Variants in WNT7B observed in about 807,000 individuals in gnomAD.
The protein encoded by WNT7B is Wnt family member 7B.
Under a neutral mutation model 38.2 loss-of-function variants are expected in WNT7B, and 19 were observed. The observed-to-expected ratio is 0.50, with a 90% CI of 0.35 to 0.73. The LOEUF (loss-of-function observed/expected upper bound fraction) is 0.73. Among genes scored for constraint, WNT7B ranks in the 30% least tolerant of loss-of-function variants. The pLI is 0.01. For missense variants in WNT7B, 423 were observed against 507.9 expected (o/e 0.83, Z 1.61); for synonymous variants, 243 against 209.3 (o/e 1.16, Z -1.39).
chr22:45,941,529 A>G (rs1002284262), intron 2 of WNT7B, among the ~76,000 whole-genome samples: 47 of 147,384 alleles, frequency 3.2e-4, no homozygotes, highest in African/African-American at 1.1e-3. Flanking sequence ...AAAAAAAAAA[A>G]GAGTGCAGAC....
At chr22:45,964,407 C>T (rs377298030) in intron 1 of WNT7B, among the ~76,000 whole-genome samples, 61 of 152,262 alleles carry the variant, frequency 4.0e-4, no homozygotes, top group African/African-American at 1.3e-3. Context: ...AGGAGTGTGG[C>T]CCCTGCAGGC....
rs575216668 is a variant in WNT7B, at chr22:45,942,286, A to T, written c.298+7634T>A. Among the ~76,000 whole-genome samples, 18 of 152,310 alleles carry T rather than the reference A, an allele frequency of 1.2e-4. No individual in the cohort carries two copies. The East Asian group carries it at 3.5e-3, about 29-fold the overall frequency. On this transcript the variant is annotated intron_variant, in intron 2 of 3. Coordinates refer to ENST00000339464, the MANE Select transcript of WNT7B (RefSeq NM_058238.3). ...TGTTGGGCACAGAAGCTGGAAGAGA[A>T]GCTCAGGGCCCAGGTGGGGCCCCAC...
At chr22:45,930,146 C>A (rs146475176) in intron 3 of WNT7B, among the ~76,000 whole-genome samples, 157 of 152,364 alleles carry the variant, frequency 1.0e-3, no homozygotes, top group African/African-American at 3.6e-3. Flanking sequence ...AAGCCCTCAC[C>A]GTCCTGGGTG....
chr22:45,927,834 TGCGGTGA>T (rs1219110200), intron 3 of WNT7B, among the ~76,000 whole-genome samples: 14 of 152,116 alleles, frequency 9.2e-5, no homozygotes, highest in African/African-American at 3.4e-4. Flanking sequence ...AGGCAGAGGT[TGCGGTGA>T]GCAGAGAGCA....
Position 45,947,457 on chromosome 22 carries a change from C to T in WNT7B, c.298+2463G>A, listed in dbSNP as rs944328081. Among the ~76,000 whole-genome samples, 12 of 152,184 alleles carry T rather than the reference C, an allele frequency of 7.9e-5. 1 individual carries two copies. The highest frequency in any genetic ancestry group is 2.4e-4 in the African/African-American group (10 of 41,436). On this transcript the variant is annotated intron_variant, in intron 2 of 3. Coordinates refer to ENST00000339464, the MANE Select transcript of WNT7B (RefSeq NM_058238.3). ...CCAGGTTTCTGCTGAGACAACTGGC[C>T]GGGAGAAAGCTGGGGACAGGAGATT...
intron 2 of WNT7B, among the ~76,000 whole-genome samples, chr22:45,932,664 G>C (rs1375798629): frequency 6.6e-6 from 1 of 152,214 alleles, no homozygotes; most frequent in Non-Finnish European, 1.5e-5. Context: ...CTGAGTCCAT[G>C]TCATTTCTAT....
At chr22:45,954,037 C>T (rs1365431332) in intron 1 of WNT7B, among the ~76,000 whole-genome samples, 2 of 152,142 alleles carry the variant, frequency 1.3e-5, no homozygotes, top group Non-Finnish European at 2.9e-5. Flanking sequence ...GTGGATAAAC[C>T]AAATGTGGTC....
At chr22:45,967,394 C>A (rs537047793) in intron 1 of WNT7B, among the ~76,000 whole-genome samples, 116 of 151,900 alleles carry the variant, frequency 7.6e-4, no homozygotes, top group African/African-American at 2.7e-3. Context: ...CTGGGGATGA[C>A]AGGGAGCAGT....
chr22:45,971,449 A>G (rs1403017333), intron 1 of WNT7B, among the ~76,000 whole-genome samples: 25 of 152,176 alleles, frequency 1.6e-4, no homozygotes, highest in African/African-American at 4.8e-5. Context: ...CCCTGCCCGG[A>G]GCTTCTCAGA....
chr22:45,948,828 T>C lies in WNT7B; in HGVS notation c.298+1092A>G, dbSNP rs112537851. Among the ~76,000 whole-genome samples, 187 of 39,776 alleles carry C rather than the reference T, an allele frequency of 4.7e-3. 4 individuals carry two copies. In the African/African-American group the frequency reaches 0.06, roughly 13 times the overall value. 26.1% of individuals were successfully genotyped at this position (39,776 alleles called of 152,430 possible). The stretch of plus-strand genomic sequence containing the variant: ...ACCCAGGTCAGGCTCCAAAGATCCC[T>C]TTTTTTTTTTTTTTTTTTTTTTTTT... On this transcript the variant is annotated intron_variant, in intron 2 of 3. Coordinates refer to ENST00000339464, the MANE Select transcript of WNT7B (RefSeq NM_058238.3).
chr22:45,931,795 C>T (rs933302006), intron 2 of WNT7B, among the ~76,000 whole-genome samples: 3 of 152,176 alleles, frequency 2.0e-5, no homozygotes, highest in Non-Finnish European at 2.9e-5. Context: ...GCCAGCCTCC[C>T]AGGAGCCCCT....
chr22:45,943,011 C>T (rs1477150170), intron 2 of WNT7B, among the ~76,000 whole-genome samples: 2 of 148,572 alleles, frequency 1.3e-5, no homozygotes, highest in Non-Finnish European at 3.0e-5. Context: ...TGTATGTGTG[C>T]AGTGTGCATG....
rs1931933700 is a variant in WNT7B, at chr22:45,951,561, A to C, written c.72-1415T>G. 6.6e-6 allele frequency among the ~76,000 whole-genome samples: 1 copy of C among 152,008 alleles called. No homozygotes were observed. The highest frequency in any genetic ancestry group is 1.5e-5 in the Non-Finnish European group (1 of 68,004). ...GTCACTCCCCGTTCTCCCCTCCCCG[A>C]CCCAGCAACCACCAGTCTGCTTTCT... On this transcript the variant is annotated intron_variant, in intron 1 of 3. Coordinates refer to ENST00000339464, the MANE Select transcript of WNT7B (RefSeq NM_058238.3). This position sits in a 1 kb window ranked among gnomAD's most constrained non-coding sequence, Gnocchi z 4.8.
intron 3 of WNT7B, among the ~76,000 whole-genome samples, chr22:45,930,659 C>T (rs963852907): frequency 5.9e-5 from 9 of 152,236 alleles, no homozygotes; most frequent in African/African-American, 1.9e-4. Context: ...CTGCTCCTGC[C>T]TCCTGGGGGC....
chr22:45,937,212 A>T (rs1222726342), intron 2 of WNT7B, among the ~76,000 whole-genome samples: 1 of 152,150 alleles, frequency 6.6e-6, no homozygotes, highest in Admixed American at 6.6e-5. Flanking sequence ...AGCTCAGGAA[A>T]TGGGGGATCC....
intron 1 of WNT7B, among the ~76,000 whole-genome samples, chr22:45,968,119 C>T (rs1188047199): frequency 6.6e-6 from 1 of 152,002 alleles, no homozygotes; most frequent in African/African-American, 2.4e-5. Flanking sequence ...ATGTGTTTGA[C>T]AGTATTGTTC....
chr22:45,926,072 C>T (rs1601713816), intron 3 of WNT7B: 2 of 985,466 alleles, frequency 2.0e-6, no homozygotes, highest in Non-Finnish European at 2.4e-6. Flanking sequence ...CAGGGCCAGG[C>T]CCGTGACCAT....
At chr22:45,944,487 G>C (rs1931748002) in intron 2 of WNT7B, among the ~76,000 whole-genome samples, 1 of 152,224 alleles carries the variant, frequency 6.6e-6, no homozygotes, top group South Asian at 2.1e-4. Flanking sequence ...AAGTCTTTCT[G>C]ACCCTGACCT....
rs115577190 is a variant in WNT7B at position 45,922,644 on chromosome 22, G to T, written c.*212C>A. The T allele has an allele frequency of 9.1e-6, 7 of 766,402 alleles. No homozygotes were observed. Among genetic ancestry groups the T allele is most frequent in the Non-Finnish European group, 1.4e-5 (7 of 494,666 alleles). The allele number at this position is 766,402 out of a possible 1,614,324, so 47.5% of individuals were successfully genotyped here. A position where few individuals can be genotyped will look rare whatever the true frequency, so the allele number is the denominator to read the frequency against. On this transcript the variant is annotated 3_prime_UTR_variant, in exon 4 of 4. Coordinates refer to ENST00000339464, the MANE Select transcript of WNT7B (RefSeq NM_058238.3). Reference sequence around the variant, plus strand: ...GGTGGGTCACGGGTGCTGTTCTGCCGCAGGAGGTGATGGGAGGAGGTGGCA... The same window carrying T: ...GGTGGGTCACGGGTGCTGTTCTGCCTCAGGAGGTGATGGGAGGAGGTGGCA...
Sources: gnomAD v4.1 joint callset for allele counts (sites outside exome capture counted in the v4.1 genomes callset) on GRCh38, gnomAD v4.1.1 for gene constraint, Gnocchi (gnomAD v3.1) non-coding constraint, MANE v1.5 for transcripts, NCBI Gene and HGNC (gene_info 2026-07-23, HGNC 2026-07-21) for gene names.